Variants in LARGE1 observed in about 807,000 individuals in gnomAD.
The protein encoded by LARGE1 is xylosyl- and glucuronyltransferase LARGE1.
Under a neutral mutation model 87.6 loss-of-function variants are expected in LARGE1, and 43 were observed. The observed-to-expected ratio is 0.49, with a 90% CI of 0.38 to 0.63. The LOEUF is 0.63. LARGE1 is among the 30% of genes least tolerant of loss of function. The pLI is 0.00. For synonymous variants in LARGE1, 434 were observed against 394.6 expected (o/e 1.10, Z -1.18); for missense variants, 802 against 1,000.2 (o/e 0.80, Z 2.67).
intron 9 of LARGE1, among the ~76,000 whole-genome samples, chr22:33,354,680 AT>A (rs1940726826): frequency 6.6e-6 from 1 of 152,242 alleles, no homozygotes; most frequent in South Asian, 2.1e-4. Context: ...ATATTTTTGT[AT>A]GACTTTTGGA....
chr22:33,331,625 C>T (rs111616272), intron 10 of LARGE1, among the ~76,000 whole-genome samples: 2 of 152,260 alleles, frequency 1.3e-5, no homozygotes, highest in African/African-American at 4.8e-5. Flanking sequence ...CCAGGCTGGT[C>T]TTGAACTCCT....
intron 1 of LARGE1, among the ~76,000 whole-genome samples, chr22:33,795,704 G>T (rs141892785): frequency 6.6e-6 from 1 of 152,074 alleles, no homozygotes; most frequent in East Asian, 1.9e-4. Context: ...GTTCAGGGAC[G>T]TGGATGAAGC....
intron 6 of LARGE1, among the ~76,000 whole-genome samples, chr22:33,532,384 T>C (rs2072249626): frequency 6.6e-6 from 1 of 152,232 alleles, no homozygotes; most frequent in African/African-American, 2.4e-5. Context: ...GTTGGGTCTG[T>C]ACCTGCAGCA....
intron 11 of LARGE1, among the ~76,000 whole-genome samples, chr22:33,266,138 G>A (rs1927918363): frequency 7.4e-6 from 1 of 135,896 alleles, no homozygotes; most frequent in South Asian, 2.4e-4. Flanking sequence ...CAGTAAGCAA[G>A]AACTCAATAG....
chr22:33,213,914 C>T (rs1338214434), intron 11 of LARGE1, among the ~76,000 whole-genome samples: 4 of 152,088 alleles, frequency 2.6e-5, no homozygotes, highest in South Asian at 2.1e-4. Context: ...CTGCAGGCTC[C>T]GCCTCCCAAG....
chr22:33,275,240 C>T (rs1452119161), intron 14 of LARGE1, among the ~76,000 whole-genome samples: 2 of 152,210 alleles, frequency 1.3e-5, no homozygotes, highest in Non-Finnish European at 1.5e-5. Context: ...TGGCAGAATA[C>T]AGCTTAATAC....
chr22:33,439,260 G>A (rs971541439), intron 6 of LARGE1, among the ~76,000 whole-genome samples: 14 of 151,912 alleles, frequency 9.2e-5, no homozygotes, highest in African/African-American at 3.1e-4. Flanking sequence ...TGGCTCATGG[G>A]AGATGCTCAA....
At chr22:33,546,051 C>G (rs954447784) in intron 6 of LARGE1, among the ~76,000 whole-genome samples, 3 of 152,148 alleles carry the variant, frequency 2.0e-5, no homozygotes, top group African/African-American at 4.8e-5. Flanking sequence ...GCACACTCAC[C>G]TTTCTACACT....
the LARGE1 span, among the ~76,000 whole-genome samples, chr22:33,141,169 A>ATCTCTCTCTCTC: frequency 7.0e-6 from 1 of 143,876 alleles, no homozygotes; most frequent in African/African-American, 2.6e-5. Flanking sequence ...TATTCTCAGA[A>ATCTCTCTCTCTC]TCTCTCTCTC....
the LARGE1 span, among the ~76,000 whole-genome samples, chr22:33,122,454 G>A: frequency 1.3e-5 from 2 of 151,316 alleles, no homozygotes; most frequent in Non-Finnish European, 2.9e-5. Flanking sequence ...TGCCTCCCGG[G>A]TTCAAGCGAT....
intron 2 of LARGE1, among the ~76,000 whole-genome samples, chr22:33,696,259 CTTTCTT>C (rs1405316775): frequency 2.5e-5 from 3 of 121,700 alleles, no homozygotes; most frequent in African/African-American, 3.2e-5. Context: ...TTCTTTCTTT[CTTTCTT>C]TTTTTTTTTT....
chr22:33,540,100 C>G (rs2077151309), intron 6 of LARGE1, among the ~76,000 whole-genome samples: 1 of 152,176 alleles, frequency 6.6e-6, no homozygotes, highest in African/African-American at 2.4e-5. Context: ...ACATTAACAG[C>G]TCCTGCCTTC....
At chr22:33,240,881 AATT>A (rs1315761790) in intron 11 of LARGE1, among the ~76,000 whole-genome samples, 1 of 152,050 alleles carries the variant, frequency 6.6e-6, no homozygotes, top group Non-Finnish European at 1.5e-5. Flanking sequence ...TTTGTCATCC[AATT>A]AACCTCAGCT....
intron 11 of LARGE1, among the ~76,000 whole-genome samples, chr22:33,213,880 G>C (rs553555021): frequency 6.6e-6 from 1 of 151,850 alleles, no homozygotes; most frequent in East Asian, 1.9e-4. Flanking sequence ...CCAGGCTGGA[G>C]TGCAGTGGCG....
At chr22:33,693,657 T>C (rs904738076) in intron 2 of LARGE1, among the ~76,000 whole-genome samples, 1 of 152,068 alleles carries the variant, frequency 6.6e-6, no homozygotes, top group South Asian at 2.1e-4. Context: ...ACCCCGTCTC[T>C]ACTAAAGATA....
intron 11 of LARGE1, among the ~76,000 whole-genome samples, chr22:33,249,409 G>A (rs893800467): frequency 1.3e-5 from 2 of 152,124 alleles, no homozygotes. Flanking sequence ...ATTGCTGAGT[G>A]TTAAGTGTTC....
At chr22:33,764,439 A>T (rs2283942) in intron 1 of LARGE1, among the ~76,000 whole-genome samples, 14,363 of 152,084 alleles carry the variant, frequency 0.094, 881 homozygotes, top group East Asian at 0.23. Context: ...TTTACTCAAA[A>T]TCATCTCTAG....
chr22:33,785,778 G>A (rs2085622271), intron 1 of LARGE1, among the ~76,000 whole-genome samples: 1 of 152,128 alleles, frequency 6.6e-6, no homozygotes, highest in Non-Finnish European at 1.5e-5. Flanking sequence ...GTCACCTGGT[G>A]ATTTCATAAT....
intron 6 of LARGE1, among the ~76,000 whole-genome samples, chr22:33,480,702 C>T (rs1282852453): frequency 6.6e-6 from 1 of 151,900 alleles, no homozygotes; most frequent in Admixed American, 6.6e-5. Context: ...CTTGAAAAAA[C>T]ACAAAAAGAG....
Sources: gnomAD v4.1 joint callset for allele counts (sites outside exome capture counted in the v4.1 genomes callset) on GRCh38, gnomAD v4.1.1 for gene constraint, MANE v1.5 for transcripts, NCBI Gene and HGNC (gene_info 2026-07-23, HGNC 2026-07-21) for gene names.